The following NSMCE2 variants were observed in gnomAD, a reference collection of about 807,000 sequenced individuals.
NSMCE2 encodes E3 SUMO-protein ligase NSE2.
A neutral mutation model predicts 23.8 loss-of-function variants in NSMCE2; 24 were observed. The observed-to-expected ratio is 1.01, with a 90% CI of 0.73 to 1.42. NSMCE2 has a LOEUF of 1.42. Among genes scored for constraint, NSMCE2 ranks in the 40% most tolerant of loss-of-function variants. The pLI, the probability that NSMCE2 is intolerant of heterozygous loss-of-function variation, is 0.00. For missense variants in NSMCE2, 284 were observed against 296.5 expected (o/e 0.96, Z 0.31); for synonymous variants, 92 against 94.1 (o/e 0.98, Z 0.13).
intron 5 of NSMCE2, among the ~76,000 whole-genome samples, chr8:125,319,226 C>G (rs1029722439): frequency 6.6e-6 from 1 of 152,182 alleles, no homozygotes; most frequent in African/African-American, 2.4e-5. Context: ...AAGCATCAAA[C>G]TGTTTCCAAA....
At chr8:125,332,122 T>C (rs1829904253) in intron 5 of NSMCE2, among the ~76,000 whole-genome samples, 1 of 152,230 alleles carries the variant, frequency 6.6e-6, no homozygotes, top group Non-Finnish European at 1.5e-5. Context: ...GAACAGGAGT[T>C]GTACTCTAAA....
chr8:125,237,367 C>CGTT (rs1825599514), intron 5 of NSMCE2, among the ~76,000 whole-genome samples: 1 of 152,172 alleles, frequency 6.6e-6, no homozygotes, highest in South Asian at 2.1e-4. Context: ...TTTTCTGTCT[C>CGTT]TAAAACAGAG....
chr8:125,277,148 C>T (rs981695081), intron 5 of NSMCE2, among the ~76,000 whole-genome samples: 1 of 152,164 alleles, frequency 6.6e-6, no homozygotes, highest in Non-Finnish European at 1.5e-5. Context: ...CAGTAACACA[C>T]AAAGGGATTG....
rs566223180 is a variant in NSMCE2 at position 125,227,574 on chromosome 8, A to G, written c.418+45318A>G. Reference sequence around the variant, plus strand: ...TTTTAATTACATCATCTTAATTGCAAATGTATTGCAATTCATATTAAAAAT... The same window carrying G: ...TTTTAATTACATCATCTTAATTGCAGATGTATTGCAATTCATATTAAAAAT... On this transcript the variant is annotated intron_variant, in intron 5 of 7. Coordinates refer to ENST00000287437, the MANE Select transcript of NSMCE2 (RefSeq NM_173685.4). 4.0e-5 allele frequency among the ~76,000 whole-genome samples: 6 copies of G among 151,874 alleles called. No individual in the cohort carries two copies. In the South Asian group the frequency reaches 6.2e-4, roughly 16 times the overall value.
At chr8:125,186,562 A>G (rs1419684846) in intron 5 of NSMCE2, among the ~76,000 whole-genome samples, 1 of 152,212 alleles carries the variant, frequency 6.6e-6, no homozygotes, top group Non-Finnish European at 1.5e-5. Context: ...TACAAACATG[A>G]TATAATATGA....
chr8:125,227,688 G>A (rs1440968963), intron 5 of NSMCE2, among the ~76,000 whole-genome samples: 2 of 152,036 alleles, frequency 1.3e-5, no homozygotes, highest in Non-Finnish European at 2.9e-5. Flanking sequence ...AATCTGTTTC[G>A]AATTACTTTT....
chr8:125,356,347 T>G (rs926510490), intron 5 of NSMCE2, among the ~76,000 whole-genome samples: 2 of 141,230 alleles, frequency 1.4e-5, no homozygotes, highest in African/African-American at 2.8e-5. Flanking sequence ...TTTTTTTTTT[T>G]GAGACAGAGT....
chr8:125,135,408 A>G (rs1463894783), intron 3 of NSMCE2, among the ~76,000 whole-genome samples: 2 of 152,012 alleles, frequency 1.3e-5, no homozygotes, highest in South Asian at 2.1e-4. Flanking sequence ...CAGTTTACCA[A>G]TTTTTTCTCT....
At chr8:125,161,175 A>G (rs1314979548) in intron 4 of NSMCE2, among the ~76,000 whole-genome samples, 3 of 152,166 alleles carry the variant, frequency 2.0e-5, no homozygotes, top group African/African-American at 4.8e-5. Context: ...ATTTCTTTCC[A>G]TTGTTTCTCT....
intron 4 of NSMCE2, among the ~76,000 whole-genome samples, chr8:125,156,586 C>T (rs915859619): frequency 1.3e-5 from 2 of 152,040 alleles, no homozygotes; most frequent in African/African-American, 2.4e-5. Flanking sequence ...TTTATAAATT[C>T]GTTCATGGAT....
intron 5 of NSMCE2, among the ~76,000 whole-genome samples, chr8:125,263,621 G>A (rs1016547321): frequency 5.9e-5 from 9 of 152,042 alleles, no homozygotes; most frequent in African/African-American, 1.9e-4. Context: ...ATGGTAGCAC[G>A]CGCCTATAAT....
intron 5 of NSMCE2, among the ~76,000 whole-genome samples, chr8:125,187,120 G>A (rs944765443): frequency 2.6e-5 from 4 of 152,168 alleles, no homozygotes; most frequent in African/African-American, 9.7e-5. Context: ...AGCTAGTACA[G>A]CATAATGGAA....
intron 3 of NSMCE2, among the ~76,000 whole-genome samples, chr8:125,136,780 A>G (rs73704539): frequency 2.0e-5 from 3 of 152,276 alleles, no homozygotes; most frequent in South Asian, 2.1e-4. Context: ...CTATTTTTCA[A>G]TAGGAAGCTT....
At position 125,166,839 on chromosome 8, in the gene NSMCE2, C is replaced by T. The variant is rs1405942607; in HGVS notation, c.265-15264C>T. 2.6e-5 allele frequency among the ~76,000 whole-genome samples: 4 copies of T among 152,278 alleles called. No individual in the cohort carries two copies. The South Asian group carries it at 6.2e-4, about 24-fold the overall frequency. On this transcript the variant is annotated intron_variant, in intron 4 of 7. Transcript: ENST00000287437. ...TTAGCACTATTCCATCTCCATTCTC[C>T]TCCGAAGTCTTTTACGTTCCTCAGG...
At chr8:125,150,363 AT>A (rs1422349130) in intron 3 of NSMCE2, among the ~76,000 whole-genome samples, 2 of 78,126 alleles carry the variant, frequency 2.6e-5, no homozygotes, top group South Asian at 3.7e-4. Flanking sequence ...TTTAAGATTT[AT>A]TTTTTTTCTA....
At chr8:125,278,741 T>C (rs1331921831) in intron 5 of NSMCE2, among the ~76,000 whole-genome samples, 1 of 152,158 alleles carries the variant, frequency 6.6e-6, no homozygotes, top group African/African-American at 2.4e-5. Flanking sequence ...TTCTGTAGTA[T>C]AAATTGCAGT....
At position 125,102,955 on chromosome 8, in the gene NSMCE2, A is replaced by G. The variant is rs866845356; in HGVS notation, c.157+468A>G. The stretch of plus-strand genomic sequence containing the variant: ...AATGAATTTTACCTACATTTGTTCA[A>G]TCAAGAAGATCTAGAAAGATGTGAT... On this transcript the variant is annotated intron_variant, in intron 3 of 7. Transcript: ENST00000287437. Among the ~76,000 whole-genome samples, 3 of 152,168 alleles carry G rather than the reference A, an allele frequency of 2.0e-5. No individual in the cohort carries two copies. In the East Asian group the frequency reaches 5.8e-4, roughly 29 times the overall value.
chr8:125,113,083 C>T (rs1818847090), intron 3 of NSMCE2, among the ~76,000 whole-genome samples: 1 of 147,336 alleles, frequency 6.8e-6, no homozygotes, highest in Non-Finnish European at 1.5e-5. Context: ...TCAATACCTA[C>T]AGAATATGAA....
chr8:125,170,994 G>A (rs575043329), intron 4 of NSMCE2, among the ~76,000 whole-genome samples: 2 of 152,126 alleles, frequency 1.3e-5, no homozygotes, highest in South Asian at 2.1e-4. Flanking sequence ...GTCCCACTTC[G>A]CACCCTGCTT....
Sources: gnomAD v4.1 joint callset for allele counts (sites outside exome capture counted in the v4.1 genomes callset) on GRCh38, gnomAD v4.1.1 for gene constraint, MANE v1.5 for transcripts, NCBI Gene and HGNC (gene_info 2026-07-23, HGNC 2026-07-21) for gene names.